Variants in DENND1A observed in about 807,000 individuals in gnomAD.
The protein encoded by DENND1A is DENN domain containing 1A, also known as DENN domain-containing protein 1A.
Under a neutral mutation model 113.7 loss-of-function variants are expected in DENND1A, and 51 were observed. The ratio of observed to expected loss-of-function variants is 0.45; its 90% CI spans 0.36 to 0.57. The LOEUF is 0.57. Among genes scored for constraint, DENND1A ranks in the 20% least tolerant of loss-of-function variants. DENND1A has a pLI of 0.00. For missense variants in DENND1A, 1,258 were observed against 1,395.9 expected (o/e 0.90, Z 1.57); for synonymous variants, 565 against 570.8 (o/e 0.99, Z 0.14).
At chr9:123,560,514 C>T (rs1418790465) in intron 12 of DENND1A, among the ~76,000 whole-genome samples, 1 of 151,916 alleles carries the variant, frequency 6.6e-6, no homozygotes, top group Non-Finnish European at 1.5e-5. Flanking sequence ...CAGTGAGATC[C>T]CATCTCTATA....
intron 7 of DENND1A, among the ~76,000 whole-genome samples, chr9:123,667,898 C>CT (rs2063567349): frequency 1.3e-5 from 2 of 152,086 alleles, no homozygotes; most frequent in South Asian, 4.2e-4. Flanking sequence ...TTGCCGATGA[C>CT]TAAGAGTGGA....
chr9:123,441,641 G>A (rs1205177515), intron 18 of DENND1A, among the ~76,000 whole-genome samples: 2 of 152,184 alleles, frequency 1.3e-5, no homozygotes, highest in East Asian at 3.8e-4. Flanking sequence ...CATGCAATAA[G>A]GGTCCCGTGT....
chr9:123,484,679 T>C (rs1227935951), intron 13 of DENND1A, among the ~76,000 whole-genome samples: 1 of 152,204 alleles, frequency 6.6e-6, no homozygotes, highest in Admixed American at 6.5e-5. Context: ...GCACAAGGCA[T>C]TCAGTTCTCC....
chr9:123,436,428 T>C (rs543383892), intron 19 of DENND1A, among the ~76,000 whole-genome samples: 1 of 152,376 alleles, frequency 6.6e-6, no homozygotes, highest in South Asian at 2.1e-4. Context: ...TCAGGTCTAA[T>C]GCAATATTCT....
chr9:123,389,152 G>T (rs970462660), intron 21 of DENND1A, among the ~76,000 whole-genome samples: 3 of 152,260 alleles, frequency 2.0e-5, no homozygotes, highest in Non-Finnish European at 4.4e-5. Flanking sequence ...CTGCGCAGGG[G>T]GACGGGGCAG....
intron 2 of DENND1A, among the ~76,000 whole-genome samples, chr9:123,854,694 C>A (rs1420354689): frequency 3.1e-4 from 45 of 143,778 alleles, no homozygotes; most frequent in Admixed American, 4.8e-4. Flanking sequence ...TACTCTGTCT[C>A]AAAAAAAAAA....
intron 11 of DENND1A, among the ~76,000 whole-genome samples, chr9:123,608,956 T>C (rs1475914042): frequency 6.6e-6 from 1 of 152,098 alleles, no homozygotes; most frequent in Non-Finnish European, 1.5e-5. Flanking sequence ...ATACAAAACA[T>C]ATATTTAGAG....
At chr9:123,624,510 C>T (rs182104589) in intron 10 of DENND1A, among the ~76,000 whole-genome samples, 269 of 152,288 alleles carry the variant, frequency 1.8e-3, no homozygotes, top group Admixed American at 3.5e-3. Flanking sequence ...CAATCCCCAC[C>T]GGCCTGTAAT....
intron 21 of DENND1A, among the ~76,000 whole-genome samples, chr9:123,388,449 A>G (rs1476877226): frequency 6.6e-6 from 1 of 152,224 alleles, no homozygotes; most frequent in Non-Finnish European, 1.5e-5. Context: ...TACAATGAGC[A>G]TATCTATTCC....
intron 4 of DENND1A, among the ~76,000 whole-genome samples, chr9:123,766,745 A>C (rs749644929): frequency 1.3e-5 from 2 of 152,248 alleles, no homozygotes; most frequent in Non-Finnish European, 2.9e-5. Context: ...GGAGGATAAA[A>C]TGAGATAATA....
At chr9:123,498,422 C>T (rs1455152063) in intron 13 of DENND1A, among the ~76,000 whole-genome samples, 1 of 152,232 alleles carries the variant, frequency 6.6e-6, no homozygotes, top group Admixed American at 6.5e-5. Flanking sequence ...TGCTGGTCAA[C>T]AGCTGAGCTT....
intron 21 of DENND1A, chr9:123,401,474 T>C (rs1053796608): frequency 8.6e-7 from 1 of 1,158,834 alleles, no homozygotes; most frequent in Non-Finnish European, 1.1e-6. Flanking sequence ...CTTGGAATGA[T>C]GTCCTGAAAC....
At chr9:123,785,822 C>G (rs576131133) in intron 3 of DENND1A, among the ~76,000 whole-genome samples, 1 of 152,302 alleles carries the variant, frequency 6.6e-6, no homozygotes, top group South Asian at 2.1e-4. Context: ...TACATTTCCA[C>G]CTACGTTTCC....
At chr9:123,402,957 G>A (rs2043614752) in intron 21 of DENND1A, among the ~76,000 whole-genome samples, 1 of 152,164 alleles carries the variant, frequency 6.6e-6, no homozygotes. Context: ...GGCACAGGTG[G>A]GCAAAGGGTC....
intron 13 of DENND1A, among the ~76,000 whole-genome samples, chr9:123,481,010 A>G (rs978775854): frequency 6.6e-6 from 1 of 152,210 alleles, no homozygotes; most frequent in Non-Finnish European, 1.5e-5. Context: ...TGCACTTCAC[A>G]CTGACTTTTT....
intron 2 of DENND1A, among the ~76,000 whole-genome samples, chr9:123,878,729 CATACTTCAAGCCTATT>C (rs1847883583): frequency 1.3e-5 from 2 of 152,132 alleles, no homozygotes; most frequent in African/African-American, 4.8e-5. Context: ...TGAATAAAGC[CATACTTCAAGCCTATT>C]ATGCTTGAAC....
chr9:123,777,236 T>C (rs575972880), intron 3 of DENND1A, among the ~76,000 whole-genome samples: 14 of 152,342 alleles, frequency 9.2e-5, no homozygotes, highest in African/African-American at 3.1e-4. Context: ...TATGCAGTCA[T>C]TGGAGTATTG....
intron 9 of DENND1A, among the ~76,000 whole-genome samples, chr9:123,636,969 C>T (rs761924135): frequency 1.3e-5 from 2 of 152,190 alleles, no homozygotes; most frequent in East Asian, 1.9e-4. Flanking sequence ...GGATTATAGG[C>T]GTGAGCCACC....
intron 13 of DENND1A, among the ~76,000 whole-genome samples, chr9:123,521,256 A>G (rs979098473): frequency 5.9e-5 from 9 of 152,204 alleles, no homozygotes; most frequent in African/African-American, 2.2e-4. Flanking sequence ...TCTGTTGGTT[A>G]TCAGGATTCT....
Sources: gnomAD v4.1 joint callset for allele counts (sites outside exome capture counted in the v4.1 genomes callset) on GRCh38, gnomAD v4.1.1 for gene constraint, MANE v1.5 for transcripts, NCBI Gene and HGNC (gene_info 2026-07-23, HGNC 2026-07-21) for gene names.